YAP1: variants seen among roughly 807,000 people sequenced by gnomAD.
YAP1 encodes the protein Yes1 associated transcriptional regulator.
YAP1 carries 5 observed loss-of-function variants against 56.9 expected under a neutral mutation model. That is an observed-to-expected ratio of 0.09 (90% CI 0.05 to 0.18). The LOEUF is 0.18. Among genes scored for constraint, YAP1 ranks in the 10% least tolerant of loss-of-function variants. YAP1 has a pLI of 1.00. For missense variants in YAP1, 539 were observed against 651.8 expected (o/e 0.83, Z 1.88); for synonymous variants, 265 against 248.1 (o/e 1.07, Z -0.64).
intron 4 of YAP1, among the ~76,000 whole-genome samples, chr11:102,198,997 GGA>G (rs757143769): frequency 2.0e-5 from 3 of 152,172 alleles, no homozygotes; most frequent in African/African-American, 7.2e-5. Flanking sequence ...ATAGGAGGAG[GGA>G]GAGAGAGAAT....
intron 3 of YAP1, among the ~76,000 whole-genome samples, chr11:102,175,646 C>T (rs965282828): frequency 3.9e-5 from 6 of 152,126 alleles, no homozygotes; most frequent in Non-Finnish European, 8.8e-5. Flanking sequence ...TACACATAGA[C>T]TCAATGATAC....
chr11:102,172,735 G>T (rs963215516), intron 3 of YAP1, among the ~76,000 whole-genome samples: 3 of 152,134 alleles, frequency 2.0e-5, no homozygotes, highest in African/African-American at 7.2e-5. Flanking sequence ...GACCAGTTAT[G>T]GTCAGAGTGA....
At chr11:102,229,454 C>T (rs531701392) in intron 8 of YAP1, among the ~76,000 whole-genome samples, 2 of 152,134 alleles carry the variant, frequency 1.3e-5, no homozygotes, top group South Asian at 4.2e-4. Context: ...TTTCATGACT[C>T]CTTTAGTGCT....
At chr11:102,116,523 G>A (rs1208771685) in intron 2 of YAP1, among the ~76,000 whole-genome samples, 2 of 152,100 alleles carry the variant, frequency 1.3e-5, no homozygotes, top group South Asian at 2.1e-4. Flanking sequence ...TTAATGAAGG[G>A]TATATACCTT....
chr11:102,167,837 A>G (rs183339788), intron 3 of YAP1, among the ~76,000 whole-genome samples: 62 of 152,318 alleles, frequency 4.1e-4, no homozygotes, highest in African/African-American at 1.5e-3. Flanking sequence ...TAGGAGTTCA[A>G]GACCAGCCTG....
intron 2 of YAP1, among the ~76,000 whole-genome samples, chr11:102,148,733 A>G (rs1945464197): frequency 6.6e-6 from 1 of 152,170 alleles, no homozygotes; most frequent in Admixed American, 6.5e-5. Flanking sequence ...CTTGGTCATT[A>G]TATCAATCTA....
chr11:102,162,744 T>C (rs1459089824), intron 3 of YAP1, among the ~76,000 whole-genome samples, 173 bp downstream of exon 3: 1 of 152,224 alleles, frequency 6.6e-6, no homozygotes, highest in Admixed American at 6.5e-5. Context: ...AGCTATATTA[T>C]TGCCTTGTAT....
At chr11:102,113,291 T>C (rs1220905184) in intron 1 of YAP1, among the ~76,000 whole-genome samples, 3 of 152,248 alleles carry the variant, frequency 2.0e-5, no homozygotes, top group Non-Finnish European at 2.9e-5. Flanking sequence ...AACTGGTGAC[T>C]GTAAGTTCTT....
chr11:102,225,517 T>G (rs1950154815), intron 7 of YAP1, among the ~76,000 whole-genome samples: 2 of 152,148 alleles, frequency 1.3e-5, no homozygotes, highest in African/African-American at 4.8e-5. Context: ...AAAAACCTCT[T>G]GATGGTTTTT....
intron 1 of YAP1, chr11:102,112,586 T>A: frequency 1.0e-6 from 1 of 985,260 alleles, no homozygotes; most frequent in Non-Finnish European, 1.2e-6. Flanking sequence ...TCCCATTCCC[T>A]CTCCTATTTG....
Position 102,142,292 on chromosome 11 carries a change from G to A in YAP1, c.573-20164G>A, listed in dbSNP as rs116745906. 6.2e-3 allele frequency among the ~76,000 whole-genome samples: 940 copies of A among 152,266 alleles called. 10 individuals are homozygous for A. Among genetic ancestry groups the A allele is most frequent in the African/African-American group, 0.021 (892 of 41,556 alleles). Reference sequence around the variant, plus strand: ...GGGCCAACCTTTCTAGAGAAAGATCGATGATTAGTTTTTGGTTGTAGTTTT... The same window carrying A: ...GGGCCAACCTTTCTAGAGAAAGATCAATGATTAGTTTTTGGTTGTAGTTTT... On this transcript the variant is annotated intron_variant, in intron 2 of 8. Transcript: ENST00000282441.
intron 3 of YAP1, among the ~76,000 whole-genome samples, chr11:102,172,451 A>G (rs1946963274): frequency 6.8e-6 from 1 of 145,990 alleles, no homozygotes; most frequent in African/African-American, 2.5e-5. Context: ...AGCTGGGACT[A>G]CAGGCATACG....
intron 2 of YAP1, among the ~76,000 whole-genome samples, chr11:102,122,895 C>CAAAAAAAAAAA (rs56934997): frequency 0.021 from 1,637 of 79,308 alleles, 59 homozygotes; most frequent in African/African-American, 0.031. Context: ...AGACTTCTCT[C>CAAAAAAAAAAA]AAAAAAAAAA....
At chr11:102,187,868 T>A (rs1405413231) in intron 4 of YAP1, among the ~76,000 whole-genome samples, 1 of 152,218 alleles carries the variant, frequency 6.6e-6, no homozygotes, top group East Asian at 1.9e-4. Context: ...AGAAAAAGTT[T>A]CATAAAATTC....
intron 4 of YAP1, among the ~76,000 whole-genome samples, chr11:102,203,472 C>T (rs1390597469): frequency 2.0e-5 from 3 of 151,696 alleles, no homozygotes; most frequent in Admixed American, 6.6e-5. Context: ...TAAAGAAGGC[C>T]CTGTCTTTTT....
At chr11:102,122,749 G>A (rs924584876) in intron 2 of YAP1, among the ~76,000 whole-genome samples, 6 of 151,900 alleles carry the variant, frequency 3.9e-5, no homozygotes, top group African/African-American at 1.2e-4. Context: ...AGAAAAATTA[G>A]GCAGGCGTGG....
In YAP1 at chr11:102,228,634, C is replaced by CAAAAAAAAAAAAAAA. The variant is rs71059544; in HGVS notation, c.1277-1055_1277-1041dup. Among the ~76,000 whole-genome samples the CAAAAAAAAAAAAAAA allele has an allele frequency of 4.0e-3, 126 of 31,636 alleles. 1 individual carries two copies. The highest frequency in any genetic ancestry group is 6.0e-3 in the Admixed American group (13 of 2,170). The allele number at this position is 31,636 out of a possible 152,430, so 20.8% of individuals were successfully genotyped here. A position where few individuals can be genotyped will look rare whatever the true frequency, so the allele number is the denominator to read the frequency against. On this transcript the variant is annotated intron_variant, in intron 8 of 8. Coordinates refer to ENST00000282441, the MANE Select transcript of YAP1 (RefSeq NM_001130145.3). ...TGGGTGACAGAGCAAGACTCCGTCT[C>CAAAAAAAAAAAAAAA]AAAAAAAAAAAAAAAAAAAAAAAAA...
intron 2 of YAP1, among the ~76,000 whole-genome samples, chr11:102,161,711 C>T (rs1946302369): frequency 1.3e-5 from 2 of 152,108 alleles, no homozygotes; most frequent in African/African-American, 4.8e-5. Context: ...AACTTTGCTA[C>T]AAGAAAACTT....
Position 102,194,270 on chromosome 11 carries a change from A to T in YAP1, c.802+8139A>T, listed in dbSNP as rs919765901. Among the ~76,000 whole-genome samples the T allele has an allele frequency of 3.9e-5, 6 of 152,154 alleles. No individual in the cohort carries two copies. In the South Asian group the frequency reaches 1.2e-3, roughly 32 times the overall value. On this transcript the variant is annotated intron_variant, in intron 4 of 8. Coordinates refer to ENST00000282441, the MANE Select transcript of YAP1 (RefSeq NM_001130145.3). ...TGTAAGAAAAAGAAAGAGATTATAG[A>T]ATTATTGGAAAGGTCAAATTTCTGT...
Sources: gnomAD v4.1 joint callset for allele counts (sites outside exome capture counted in the v4.1 genomes callset) on GRCh38, gnomAD v4.1.1 for gene constraint, MANE v1.5 for transcripts, NCBI Gene and HGNC (gene_info 2026-07-23, HGNC 2026-07-21) for gene names.